Variants in ZFPM2 observed in about 807,000 individuals in gnomAD.
ZFPM2 encodes zinc finger protein, FOG family member 2.
In ZFPM2, 20 loss-of-function variants were observed where a neutral mutation model predicts 98.6. That is an observed-to-expected ratio of 0.20 (90% confidence interval 0.14 to 0.29). ZFPM2 has a LOEUF of 0.29. Among genes scored for constraint, ZFPM2 ranks in the 10% least tolerant of loss-of-function variants. The probability of loss-of-function intolerance (pLI) is 1.00; values close to 1 mark genes in which losing one functional copy is unlikely to be tolerated. For missense variants in ZFPM2, 1,310 were observed against 1,388.6 expected, an observed-to-expected ratio of 0.94 and a Z score of 0.90; for synonymous variants, 518 against 502.7, an observed-to-expected ratio of 1.03 and a Z score of -0.41.
At chr8:105,768,018 A>T (rs1477346703) in intron 5 of ZFPM2, among the ~76,000 whole-genome samples, 1 of 151,712 alleles carries the variant, frequency 6.6e-6, no homozygotes, top group Non-Finnish European at 1.5e-5. Flanking sequence ...TCTCCAGTTA[A>T]ATGTGCAATT....
At chr8:105,632,052 C>T (rs1269282968) in intron 4 of ZFPM2, among the ~76,000 whole-genome samples, 1 of 152,154 alleles carries the variant, frequency 6.6e-6, no homozygotes, top group East Asian at 1.9e-4. Flanking sequence ...ACAAATAAGT[C>T]ACTGAGTGCC....
intron 4 of ZFPM2, among the ~76,000 whole-genome samples, chr8:105,597,529 A>G (rs1044682985): frequency 6.6e-6 from 1 of 152,154 alleles, no homozygotes; most frequent in Admixed American, 6.6e-5. Context: ...TTCTTGTTAA[A>G]TAAAAGTAGT....
At chr8:105,320,139 C>T (rs1205495723) in intron 1 of ZFPM2, among the ~76,000 whole-genome samples, 1 of 151,926 alleles carries the variant, frequency 6.6e-6, no homozygotes, top group Non-Finnish European at 1.5e-5. Flanking sequence ...ACTCGCCCCA[C>T]CCCCAAATGT....
chr8:105,534,642 A>G (rs1013941536), intron 3 of ZFPM2, among the ~76,000 whole-genome samples: 3 of 152,156 alleles, frequency 2.0e-5, no homozygotes, highest in South Asian at 2.1e-4. Context: ...TATCTAGACA[A>G]AGGAACAGCT....
chr8:105,444,944 T>A (rs1158046886), intron 3 of ZFPM2, among the ~76,000 whole-genome samples: 1 of 152,144 alleles, frequency 6.6e-6, no homozygotes, highest in Non-Finnish European at 1.5e-5. Context: ...ACCACACCAA[T>A]ATAAATGTAT....
chr8:105,399,061 A>G (rs1448856765), intron 1 of ZFPM2, among the ~76,000 whole-genome samples: 1 of 152,170 alleles, frequency 6.6e-6, no homozygotes, highest in Non-Finnish European at 1.5e-5. Context: ...GGAGAATTAA[A>G]AGAGGGTTGA....
chr8:105,418,473 G>T, intron 1 of ZFPM2: 1 of 487,606 alleles, frequency 2.1e-6, no homozygotes, highest in East Asian at 5.8e-5. Context: ...TCTCTCCAAG[G>T]GAGTTGTATT....
intron 5 of ZFPM2, among the ~76,000 whole-genome samples, chr8:105,707,241 CAA>C (rs113671142): frequency 1.0e-4 from 12 of 117,070 alleles, no homozygotes; most frequent in Admixed American, 2.7e-4. Context: ...GACTTTGTCT[CAA>C]AAAAAAAAAA....
At chr8:105,372,267 C>T (rs1198880039) in intron 1 of ZFPM2, among the ~76,000 whole-genome samples, 1 of 151,944 alleles carries the variant, frequency 6.6e-6, no homozygotes, top group Non-Finnish European at 1.5e-5. Context: ...TGGTCTTGAT[C>T]TGCTGACTTC....
chr8:105,338,356 G>A (rs1284710580), intron 1 of ZFPM2, among the ~76,000 whole-genome samples: 1 of 151,742 alleles, frequency 6.6e-6, no homozygotes, highest in Non-Finnish European at 1.5e-5. Flanking sequence ...CTGAAAGACA[G>A]CAAGTATGAA....
chr8:105,453,648 T>G (rs1015096752), intron 3 of ZFPM2, among the ~76,000 whole-genome samples: 5 of 152,062 alleles, frequency 3.3e-5, no homozygotes, highest in African/African-American at 1.2e-4. Flanking sequence ...TTTGTTTTGT[T>G]TTTTTCTTTT....
At chr8:105,471,824 A>G (rs939321528) in intron 3 of ZFPM2, among the ~76,000 whole-genome samples, 2 of 152,172 alleles carry the variant, frequency 1.3e-5, no homozygotes, top group Non-Finnish European at 2.9e-5. Context: ...CTCTATCAGA[A>G]CACTATCAGA....
At chr8:105,344,520 T>C (rs2129678663) in intron 1 of ZFPM2, among the ~76,000 whole-genome samples, 1 of 152,330 alleles carries the variant, frequency 6.6e-6, no homozygotes, top group South Asian at 2.1e-4. Context: ...TGTAATTTAC[T>C]GAGATTTCTC....
chr8:105,587,264 A>G (rs7836467), intron 4 of ZFPM2, among the ~76,000 whole-genome samples: 136,594 of 140,276 alleles, frequency 0.97, 66,518 homozygotes, highest in East Asian at 1. Flanking sequence ...GTGACAGAGC[A>G]AGACTCTGTC....
intron 3 of ZFPM2, among the ~76,000 whole-genome samples, chr8:105,539,356 A>T (rs1586447323): frequency 6.6e-6 from 1 of 152,326 alleles, no homozygotes; most frequent in African/African-American, 2.4e-5. Flanking sequence ...AAGATGATGC[A>T]TGAAATTGCT....
chr8:105,769,708 A>G, intron 5 of ZFPM2, among the ~76,000 whole-genome samples: 1 of 151,996 alleles, frequency 6.6e-6, no homozygotes, highest in East Asian at 1.9e-4. Context: ...ATAAAACATA[A>G]CCACAATTTG....
chr8:105,457,068 A>G (rs1231764187), intron 3 of ZFPM2, among the ~76,000 whole-genome samples: 1 of 152,178 alleles, frequency 6.6e-6, no homozygotes, highest in Non-Finnish European at 1.5e-5. Flanking sequence ...GATATATTAC[A>G]TTTGCTAACA....
intron 3 of ZFPM2, among the ~76,000 whole-genome samples, chr8:105,492,579 A>G (rs1373126738): frequency 1.3e-5 from 2 of 152,188 alleles, no homozygotes; most frequent in Non-Finnish European, 2.9e-5. Flanking sequence ...CAACAAAGGT[A>G]AGAAGTATTT....
At chr8:105,407,277 A>C (rs1201254601) in intron 1 of ZFPM2, among the ~76,000 whole-genome samples, 2 of 151,944 alleles carry the variant, frequency 1.3e-5, no homozygotes, top group African/African-American at 4.8e-5. Context: ...TTATTCACAC[A>C]TAAAAACCAA....
Sources: gnomAD v4.1 joint callset for allele counts (sites outside exome capture counted in the v4.1 genomes callset) on GRCh38, gnomAD v4.1.1 for gene constraint, MANE v1.5 for transcripts, NCBI Gene and HGNC (gene_info 2026-07-23, HGNC 2026-07-21) for gene names.